PCDH15: variants seen among roughly 807,000 people sequenced by gnomAD.
PCDH15 encodes protocadherin related 15.
A neutral mutation model predicts 178.5 loss-of-function variants in PCDH15; 129 were observed. The observed-to-expected ratio is 0.72, with a 90% CI of 0.63 to 0.84. PCDH15 has a LOEUF of 0.84. Among genes scored for constraint, PCDH15 ranks in the 40% least tolerant of loss-of-function variants. The pLI is 0.00. For missense variants in PCDH15, 2,230 were observed against 2,099.9 expected (o/e 1.06, Z -1.21); for synonymous variants, 800 against 732.0 (o/e 1.09, Z -1.50).
At chr10:55,488,717 A>G (rs1316840064) in intron 2 of PCDH15, among the ~76,000 whole-genome samples, 3 of 151,608 alleles carry the variant, frequency 2.0e-5, no homozygotes, top group Admixed American at 1.3e-4. Flanking sequence ...AAGAAGAACA[A>G]CAGTTATTGA....
At chr10:54,403,765 A>G (rs567673066) in intron 3 of PCDH15, among the ~76,000 whole-genome samples, 32 of 152,006 alleles carry the variant, frequency 2.1e-4, no homozygotes, top group African/African-American at 7.5e-4. Flanking sequence ...AAATCAACGT[A>G]CAAAAATCAC....
intron 2 of PCDH15, among the ~76,000 whole-genome samples, chr10:54,648,548 A>C (rs1056219267): frequency 6.6e-6 from 1 of 152,142 alleles, no homozygotes; most frequent in African/African-American, 2.4e-5. Flanking sequence ...GTATAAAGCT[A>C]TGTAATTTTG....
intron 2 of PCDH15, among the ~76,000 whole-genome samples, chr10:54,991,591 T>C (rs901566410): frequency 5.7e-4 from 87 of 152,154 alleles, no homozygotes; most frequent in Middle Eastern, 3.2e-3. Context: ...TTTTATCCCA[T>C]GATTTTTCAT....
intron 1 of PCDH15, among the ~76,000 whole-genome samples, chr10:55,318,050 T>C (rs952311276): frequency 6.6e-6 from 1 of 151,828 alleles, no homozygotes; most frequent in Non-Finnish European, 1.5e-5. Context: ...GTTACAGGAG[T>C]TCCAAGTTTA....
At chr10:54,312,454 G>A (rs572118453) in intron 8 of PCDH15, among the ~76,000 whole-genome samples, 3 of 152,196 alleles carry the variant, frequency 2.0e-5, no homozygotes, top group East Asian at 3.9e-4. Context: ...GGGAGGTGGA[G>A]TATGTTTCTA....
intron 2 of PCDH15, among the ~76,000 whole-genome samples, chr10:55,116,726 G>A (rs1396880683): frequency 1.3e-5 from 2 of 152,098 alleles, no homozygotes; most frequent in Non-Finnish European, 2.9e-5. Context: ...AATATGACAC[G>A]TGGGCATTTG....
intron 15 of PCDH15, among the ~76,000 whole-genome samples, chr10:54,122,874 TAAAAAA>T (rs34113865): frequency 0.031 from 4,439 of 143,748 alleles, 241 homozygotes; most frequent in African/African-American, 0.11. Context: ...AAAACACTGC[TAAAAAA>T]AAAAAAAAGG....
chr10:55,067,707 A>G (rs1414242047), intron 2 of PCDH15, among the ~76,000 whole-genome samples: 1 of 151,482 alleles, frequency 6.6e-6, no homozygotes, highest in Non-Finnish European at 1.5e-5. Context: ...ATTACCACCA[A>G]CAGTGTATAA....
intron 2 of PCDH15, among the ~76,000 whole-genome samples, chr10:55,593,502 G>C (rs563908557): frequency 1.3e-4 from 19 of 151,804 alleles, no homozygotes; most frequent in Admixed American, 2.0e-4. Context: ...TGACAAAAGA[G>C]AGTGCATGGT....
At chr10:54,380,701 G>T (rs1949098960) in intron 3 of PCDH15, among the ~76,000 whole-genome samples, 4 of 27,812 alleles carry the variant, frequency 1.4e-4, no homozygotes, top group Admixed American at 6.0e-4. Context: ...ATATATATAT[G>T]CTCCATATAT....
chr10:54,301,549 GACA>G (rs2060150030), intron 8 of PCDH15, among the ~76,000 whole-genome samples: 1 of 152,248 alleles, frequency 6.6e-6, no homozygotes, highest in East Asian at 1.9e-4. Flanking sequence ...TCCAGGCAGA[GACA>G]ACAAGCCCAC....
intron 2 of PCDH15, among the ~76,000 whole-genome samples, chr10:54,644,906 T>C (rs2094090150): frequency 6.6e-6 from 1 of 152,112 alleles, no homozygotes; most frequent in Non-Finnish European, 1.5e-5. Flanking sequence ...GAACACAGCA[T>C]TCGTCTTCTC....
rs536102721 is a variant in PCDH15 at position 54,043,297 on chromosome 10, C to T, written c.2221-20100G>A. On this transcript the variant is annotated intron_variant, in intron 18 of 37. Coordinates refer to ENST00000644397, the MANE Select transcript of PCDH15 (RefSeq NM_001384140.1). ...TAAAAACCAATGACCTCCATTAGCA[C>T]GTTTAAAGAAGCTCCATATCCACAG... 1.4e-3 allele frequency among the ~76,000 whole-genome samples: 213 copies of T among 152,170 alleles called. 2 individuals carry two copies. The South Asian group carries it at 0.02, about 15-fold the overall frequency.
intron 2 of PCDH15, among the ~76,000 whole-genome samples, chr10:55,064,823 G>T (rs1841522336): frequency 6.6e-6 from 1 of 152,022 alleles, no homozygotes; most frequent in African/African-American, 2.4e-5. Context: ...CATTTTAACT[G>T]TGAGTGAAAA....
In PCDH15 at chr10:55,533,434, A is replaced by G. The variant is rs529548464; in HGVS notation, c.-156+94191T>C. 3.3e-5 allele frequency among the ~76,000 whole-genome samples: 5 copies of G among 152,164 alleles called. No homozygotes were observed. In the South Asian group the frequency reaches 1.0e-3, roughly 32 times the overall value. ...ATCAGTAACATTTCTATACACTAAT[A>G]ATGTCCAGGCTGAGTCAAATCAAGA... On this transcript the variant is annotated intron_variant, in intron 2 of 5. Coordinates refer to the PCDH15 transcript ENST00000613346.
intron 2 of PCDH15, among the ~76,000 whole-genome samples, chr10:55,448,604 AATGGTGAAAGGGCAATG>A (rs1351358646): frequency 6.6e-6 from 1 of 151,964 alleles, no homozygotes; most frequent in African/African-American, 2.4e-5. Context: ...CAGACATCTG[AATGGTGAAAGGGCAATG>A]ATTAACTACG....
chr10:53,972,530 G>C (rs548358934), intron 21 of PCDH15, among the ~76,000 whole-genome samples: 8 of 152,212 alleles, frequency 5.3e-5, no homozygotes, highest in African/African-American at 1.9e-4. Context: ...AATTTTTACA[G>C]TCTACCCATC....
At chr10:55,288,007 A>G (rs1453042253) in intron 1 of PCDH15, among the ~76,000 whole-genome samples, 2 of 151,294 alleles carry the variant, frequency 1.3e-5, no homozygotes, top group Middle Eastern at 3.2e-3. Flanking sequence ...TTAAAATGCA[A>G]ATTAATTTAT....
intron 3 of PCDH15, among the ~76,000 whole-genome samples, chr10:54,449,898 T>C (rs1353083739): frequency 6.6e-6 from 1 of 151,586 alleles, no homozygotes; most frequent in East Asian, 1.9e-4. Context: ...CAAACATACA[T>C]AGAAGCTACA....
Sources: gnomAD v4.1 joint callset for allele counts (sites outside exome capture counted in the v4.1 genomes callset) on GRCh38, gnomAD v4.1.1 for gene constraint, MANE v1.5 for transcripts, NCBI Gene and HGNC (gene_info 2026-07-23, HGNC 2026-07-21) for gene names.